The following C12orf42 variants were observed in gnomAD, a reference collection of about 807,000 sequenced individuals.
The protein encoded by C12orf42 is uncharacterized protein C12orf42.
A neutral mutation model predicts 21.6 loss-of-function variants in C12orf42; 25 were observed. That is an observed-to-expected ratio of 1.16 (90% confidence interval 0.84 to 1.62). The LOEUF is 1.62. Ranked by LOEUF, C12orf42 falls within the 40% of genes most tolerant of loss-of-function variation. The pLI is 0.00. For synonymous variants in C12orf42, 174 were observed against 175.0 expected, an observed-to-expected ratio of 0.99 and a Z score of 0.05; for missense variants, 483 against 459.3, an observed-to-expected ratio of 1.05 and a Z score of -0.47.
chr12:103,149,628 G>C, the C12orf42 span, among the ~76,000 whole-genome samples: 56 of 152,170 alleles, frequency 3.7e-4, no homozygotes, highest in African/African-American at 1.3e-3. Flanking sequence ...CATGAGATCT[G>C]ATGGTTTTAT....
downstream of C12orf42, among the ~76,000 whole-genome samples, chr12:103,235,964 T>C (rs1455428745): frequency 1.3e-5 from 2 of 152,198 alleles, no homozygotes; most frequent in Admixed American, 1.3e-4. Context: ...ATGCTCCTTG[T>C]GGTTCTGGAA....
chr12:103,137,643 C>T, the C12orf42 span, among the ~76,000 whole-genome samples: 2 of 151,960 alleles, frequency 1.3e-5, no homozygotes, highest in African/African-American at 2.4e-5. Flanking sequence ...AAAAGATAAA[C>T]GGATAAAGAA....
the C12orf42 span, among the ~76,000 whole-genome samples, chr12:103,177,920 GTAAA>G: frequency 6.6e-6 from 1 of 152,046 alleles, no homozygotes; most frequent in Admixed American, 6.6e-5. Context: ...ACGACAACAT[GTAAA>G]TAAAGAATGG....
intron 4 of C12orf42, among the ~76,000 whole-genome samples, chr12:103,358,070 T>C (rs1593592885): frequency 6.6e-6 from 1 of 152,040 alleles, no homozygotes; most frequent in Non-Finnish European, 1.5e-5. Context: ...TCATTTGGGG[T>C]GACGACTCCA....
chr12:103,056,475 G>A, the C12orf42 span, among the ~76,000 whole-genome samples: 1 of 151,982 alleles, frequency 6.6e-6, no homozygotes, highest in Non-Finnish European at 1.5e-5. Context: ...GGTTCTGTAG[G>A]TTTATGTCTT....
chr12:103,436,178 A>G (rs1036972988), intron 2 of C12orf42, among the ~76,000 whole-genome samples: 22 of 150,566 alleles, frequency 1.5e-4, no homozygotes, highest in Middle Eastern at 3.4e-3. Flanking sequence ...GAGAAATAAA[A>G]TACTTTACAG....
At chr12:103,064,975 C>CT in the C12orf42 span, among the ~76,000 whole-genome samples, 1 of 152,210 alleles carries the variant, frequency 6.6e-6, no homozygotes, top group African/African-American at 2.4e-5. Flanking sequence ...TTGGCACAGA[C>CT]ATTCTTAGCA....
At chr12:103,533,697 G>A in the C12orf42 span, among the ~76,000 whole-genome samples, 25 of 152,232 alleles carry the variant, frequency 1.6e-4, 1 homozygote, top group South Asian at 5.0e-3. Context: ...CTTGATTTTG[G>A]TGATTCACAC....
the C12orf42 span, among the ~76,000 whole-genome samples, chr12:103,225,295 T>A: frequency 2.0e-5 from 3 of 152,178 alleles, no homozygotes; most frequent in African/African-American, 7.2e-5. Flanking sequence ...TTGTAAGGCT[T>A]GTCTGGTTTT....
At chr12:103,427,295 GA>G (rs71097975) in intron 2 of C12orf42, among the ~76,000 whole-genome samples, 80,738 of 120,680 alleles carry the variant, frequency 0.67, 25,067 homozygotes, top group East Asian at 0.77. Flanking sequence ...AAAAAAAAAA[GA>G]AAAAAAAAAA....
At chr12:103,169,173 TAAA>T in the C12orf42 span, among the ~76,000 whole-genome samples, 2 of 128,346 alleles carry the variant, frequency 1.6e-5, no homozygotes, top group Non-Finnish European at 3.5e-5. Context: ...AATAAATAAA[TAAA>T]TAAATAAATA....
chr12:103,488,018 T>C (rs1954950926), intron 1 of C12orf42, among the ~76,000 whole-genome samples: 1 of 152,248 alleles, frequency 6.6e-6, no homozygotes, highest in Admixed American at 6.5e-5. Context: ...CTGGTTATTT[T>C]GCCCATTAAT....
intron 1 of C12orf42, among the ~76,000 whole-genome samples, chr12:103,478,829 C>G (rs1954263329): frequency 6.6e-6 from 1 of 152,036 alleles, no homozygotes; most frequent in Non-Finnish European, 1.5e-5. Flanking sequence ...TCTTTCTAAT[C>G]ATTTCCAAAG....
At chr12:103,345,505 A>G (rs2042540189) in intron 4 of C12orf42, among the ~76,000 whole-genome samples, 1 of 152,196 alleles carries the variant, frequency 6.6e-6, no homozygotes, top group South Asian at 2.1e-4. Context: ...GATTAAACCA[A>G]TTAATCAGAA....
chr12:103,470,764 GT>G (rs1953536335), intron 2 of C12orf42, among the ~76,000 whole-genome samples: 1 of 152,188 alleles, frequency 6.6e-6, no homozygotes, highest in African/African-American at 2.4e-5. Flanking sequence ...TTATGAGGAA[GT>G]TCACACCACA....
chr12:103,520,293 T>A, the C12orf42 span, among the ~76,000 whole-genome samples: 1 of 152,146 alleles, frequency 6.6e-6, no homozygotes, highest in Non-Finnish European at 1.5e-5. Context: ...AGTGTTGAGA[T>A]CATCAGCCTG....
chr12:103,279,531 T>C (rs2035976357), intron 4 of C12orf42, among the ~76,000 whole-genome samples: 1 of 152,220 alleles, frequency 6.6e-6, no homozygotes, highest in South Asian at 2.1e-4. Flanking sequence ...GAGAAATTGC[T>C]AACAAAATTG....
chr12:103,514,287 T>A, the C12orf42 span, among the ~76,000 whole-genome samples: 3 of 152,128 alleles, frequency 2.0e-5, no homozygotes, highest in African/African-American at 7.2e-5. Flanking sequence ...CAATTCAAGA[T>A]GAGATTTGGA....
At chr12:103,436,009 G>A (rs1423008179) in intron 2 of C12orf42, among the ~76,000 whole-genome samples, 3 of 151,320 alleles carry the variant, frequency 2.0e-5, no homozygotes, top group Non-Finnish European at 4.4e-5. Context: ...GAGAAAGGTC[G>A]GGATATCCTC....
Sources: allele counts gnomAD v4.1 joint callset (sites outside exome capture counted in the v4.1 genomes callset), GRCh38; gene constraint gnomAD v4.1.1; transcripts MANE v1.5; gene names NCBI Gene and HGNC (gene_info 2026-07-23, HGNC 2026-07-21).